NAALADL2: variants seen among roughly 807,000 people sequenced by gnomAD.
NAALADL2 encodes N-acetylated alpha-linked acidic dipeptidase like 2, also known as inactive N-acetylated-alpha-linked acidic dipeptidase-like protein 2.
Under a neutral mutation model 87.2 loss-of-function variants are expected in NAALADL2, and 76 were observed. The ratio of observed to expected loss-of-function variants is 0.87; its 90% confidence interval spans 0.72 to 1.05. The LOEUF (loss-of-function observed/expected upper bound fraction) is 1.05. Ranked by LOEUF, NAALADL2 falls within the 50% of genes least tolerant of loss-of-function variation. The pLI, the probability that NAALADL2 is intolerant of heterozygous loss-of-function variation, is 0.00. For missense variants in NAALADL2, 1,089 were observed against 945.8 expected, an observed-to-expected ratio of 1.15 and a Z score of -1.99; for synonymous variants, 354 against 331.0, an observed-to-expected ratio of 1.07 and a Z score of -0.75.
chr3:174,804,702 G>A lies in NAALADL2; in HGVS notation c.-9+66956G>A, dbSNP rs149438623. Among the ~76,000 whole-genome samples, 539 of 152,066 alleles carry A rather than the reference G, an allele frequency of 3.5e-3. 4 individuals are homozygous for A. The highest frequency in any genetic ancestry group is 0.01 in the Middle Eastern group (3 of 294). ...ACTTAGACTAAAGAAAGGAATAGATGGAAATTTATATGTGACTGTCAGAAC... is the reference window on the plus strand; with the variant it reads ...ACTTAGACTAAAGAAAGGAATAGATAGAAATTTATATGTGACTGTCAGAAC... On this transcript the variant is annotated intron_variant, in intron 3 of 3. Transcript: ENST00000434257.
At chr3:174,852,048 C>T (rs1253449020) in intron 3 of NAALADL2, among the ~76,000 whole-genome samples, 1 of 152,014 alleles carries the variant, frequency 6.6e-6, no homozygotes, top group Non-Finnish European at 1.5e-5. Flanking sequence ...GAAAAACTCT[C>T]AAAAAACTGG....
intron 11 of NAALADL2, among the ~76,000 whole-genome samples, chr3:175,640,635 A>G (rs1729152952): frequency 2.0e-5 from 3 of 152,180 alleles, no homozygotes; most frequent in African/African-American, 7.2e-5. Flanking sequence ...TACAGTATAT[A>G]GAAAAACTCT....
In NAALADL2 at chr3:175,322,911, A is replaced by C. The variant is rs961318937; in HGVS notation, c.940-1264A>C. Among the ~76,000 whole-genome samples the C allele has an allele frequency of 2.4e-4, 37 of 151,712 alleles. 1 individual carries two copies. The highest frequency in any genetic ancestry group is 8.7e-4 in the African/African-American group (36 of 41,200). On this transcript the variant is annotated intron_variant, in intron 4 of 13. Transcript: ENST00000454872. The stretch of plus-strand genomic sequence containing the variant: ...GGTGGGACTGTAAACTAGTTCAACC[A>C]TTGTGGAAGTCAGTGTGGCGATTCC...
At chr3:174,606,078 A>G (rs2108623832) in intron 2 of NAALADL2, among the ~76,000 whole-genome samples, 1 of 152,360 alleles carries the variant, frequency 6.6e-6, no homozygotes, top group East Asian at 1.9e-4. Flanking sequence ...GTGGACCTCT[A>G]GCAAACTCCA....
intron 1 of NAALADL2, among the ~76,000 whole-genome samples, chr3:174,984,501 T>A (rs887805101): frequency 6.6e-6 from 1 of 152,126 alleles, no homozygotes; most frequent in Non-Finnish European, 1.5e-5. Context: ...TCACTTGGGA[T>A]CTTATTGTCA....
intron 11 of NAALADL2, among the ~76,000 whole-genome samples, chr3:175,730,411 T>G (rs1426054094): frequency 2.4e-5 from 2 of 84,316 alleles, no homozygotes; most frequent in African/African-American, 9.7e-5. Context: ...TATATATATA[T>G]ATATATATAT....
At chr3:175,644,733 T>A (rs1329156203) in intron 11 of NAALADL2, among the ~76,000 whole-genome samples, 1 of 152,130 alleles carries the variant, frequency 6.6e-6, no homozygotes, top group African/African-American at 2.4e-5. Flanking sequence ...CACATTTCCA[T>A]ATAAATGTAA....
chr3:174,844,974 C>T (rs9868084), intron 3 of NAALADL2, among the ~76,000 whole-genome samples: 54,287 of 150,714 alleles, frequency 0.36, 10,059 homozygotes, highest in East Asian at 0.48. Context: ...TGGGACTGCC[C>T]TCGGGCCAGG....
intron 13 of NAALADL2, chr3:175,775,090 G>A (rs1439830835): frequency 7.4e-6 from 1 of 134,904 alleles, no homozygotes; most frequent in Non-Finnish European, 1.6e-5. Flanking sequence ...AAGTAGTAAG[G>A]CCTTTTTTTT....
chr3:175,624,796 C>T (rs1726753270), intron 10 of NAALADL2, among the ~76,000 whole-genome samples: 1 of 151,888 alleles, frequency 6.6e-6, no homozygotes, highest in Admixed American at 6.6e-5. Context: ...GAAAACATAT[C>T]TGGATTAATT....
intron 5 of NAALADL2, among the ~76,000 whole-genome samples, chr3:175,394,527 AG>A (rs1167001368): frequency 6.6e-6 from 1 of 152,234 alleles, no homozygotes; most frequent in African/African-American, 2.4e-5. Flanking sequence ...TTTTTAAAAA[AG>A]ATACATATCA....
chr3:175,166,826 A>G (rs1214525558), intron 2 of NAALADL2, among the ~76,000 whole-genome samples: 3 of 152,058 alleles, frequency 2.0e-5, no homozygotes, highest in Non-Finnish European at 4.4e-5. Context: ...TGCATTTCTG[A>G]AAAGGAACTC....
At chr3:174,737,409 T>A (rs1165222782) in intron 2 of NAALADL2, among the ~76,000 whole-genome samples, 2 of 152,244 alleles carry the variant, frequency 1.3e-5, no homozygotes, top group Non-Finnish European at 2.9e-5. Context: ...GGGAGAAAAG[T>A]ATTTGTGTGT....
intron 10 of NAALADL2, among the ~76,000 whole-genome samples, chr3:175,602,453 T>C (rs997003550): frequency 3.9e-5 from 3 of 77,312 alleles, no homozygotes; most frequent in Non-Finnish European, 9.8e-5. Flanking sequence ...TTTGTATGTG[T>C]GTATCTATAT....
chr3:174,936,792 T>C (rs192261576), intron 1 of NAALADL2, among the ~76,000 whole-genome samples: 12 of 152,244 alleles, frequency 7.9e-5, no homozygotes, highest in Non-Finnish European at 2.9e-5. Context: ...ATAAATTTTA[T>C]TGGAATACAG....
intron 2 of NAALADL2, among the ~76,000 whole-genome samples, chr3:175,182,168 C>T (rs1296225959): frequency 1.3e-5 from 2 of 151,898 alleles, no homozygotes; most frequent in East Asian, 3.9e-4. Flanking sequence ...AATTTTTTCA[C>T]TTCTCTGTTG....
At chr3:174,563,849 CT>C (rs1276595123) in intron 2 of NAALADL2, among the ~76,000 whole-genome samples, 1 of 152,036 alleles carries the variant, frequency 6.6e-6, no homozygotes, top group Non-Finnish European at 1.5e-5. Context: ...ATTATGTTTG[CT>C]TTTTCTCTTT....
intron 1 of NAALADL2, among the ~76,000 whole-genome samples, chr3:175,088,784 C>T (rs1580379151): frequency 6.6e-6 from 1 of 152,150 alleles, no homozygotes; most frequent in East Asian, 1.9e-4. Context: ...ATCTATCAAG[C>T]TATGAGGCTC....
rs556417698 is a variant in NAALADL2 at position 175,467,500 on chromosome 3, A to G, written c.1533+316A>G. Among the ~76,000 whole-genome samples, 15 of 152,312 alleles carry G rather than the reference A, an allele frequency of 9.8e-5. No individual in the cohort carries two copies. The East Asian group carries it at 2.7e-3, about 27-fold the overall frequency. Reference sequence around the variant, plus strand: ...GATGACAGGCACTGGACAAAAAAGGATCAGATGATACTTATTATTTTTCTT... The same window carrying G: ...GATGACAGGCACTGGACAAAAAAGGGTCAGATGATACTTATTATTTTTCTT... On this transcript the variant is annotated intron_variant, in intron 8 of 13. Coordinates refer to ENST00000454872, the MANE Select transcript of NAALADL2 (RefSeq NM_207015.3).
Sources: allele counts gnomAD v4.1 joint callset (sites outside exome capture counted in the v4.1 genomes callset), GRCh38; gene constraint gnomAD v4.1.1; transcripts MANE v1.5; gene names NCBI Gene and HGNC (gene_info 2026-07-23, HGNC 2026-07-21).